The following KIAA1671 variants were observed in gnomAD, a reference collection of about 807,000 sequenced individuals.
The protein encoded by KIAA1671 is KIAA1671.
Under a neutral mutation model 131.2 loss-of-function variants are expected in KIAA1671, and 52 were observed. The observed-to-expected ratio is 0.40, with a 90% CI of 0.32 to 0.50. The LOEUF is 0.50. Among genes scored for constraint, KIAA1671 ranks in the 20% least tolerant of loss-of-function variants. The pLI, the probability that KIAA1671 is intolerant of heterozygous loss-of-function variation, is 0.73. For synonymous variants in KIAA1671, 1,003 were observed against 961.6 expected (o/e 1.04, Z -0.80); for missense variants, 2,360 against 2,364.2 (o/e 1.00, Z 0.04).
chr22:25,066,643 C>T (rs994882410), intron 6 of KIAA1671, among the ~76,000 whole-genome samples: 1 of 152,184 alleles, frequency 6.6e-6, no homozygotes, highest in African/African-American at 2.4e-5. Flanking sequence ...GACCCTTAAC[C>T]TCGACATCTG....
intron 6 of KIAA1671, among the ~76,000 whole-genome samples, chr22:25,121,191 G>A (rs763795164): frequency 2.0e-5 from 3 of 152,226 alleles, no homozygotes; most frequent in Admixed American, 1.3e-4. Context: ...GGCCGGGCGC[G>A]GTGGCTCACG....
chr22:25,068,098 C>G (rs1928579546), intron 6 of KIAA1671, among the ~76,000 whole-genome samples: 1 of 152,256 alleles, frequency 6.6e-6, no homozygotes, highest in African/African-American at 2.4e-5. Context: ...CTGACTGGTA[C>G]TGTCAGCTGG....
At chr22:25,080,231 G>A (rs1054652561) in intron 6 of KIAA1671, among the ~76,000 whole-genome samples, 2 of 152,216 alleles carry the variant, frequency 1.3e-5, no homozygotes, top group South Asian at 2.1e-4. Context: ...ACCTCTTCCC[G>A]TAGCTCCCCT....
intron 10 of KIAA1671, among the ~76,000 whole-genome samples, chr22:25,183,457 C>T (rs1168584035): frequency 2.5e-5 from 3 of 120,662 alleles, no homozygotes; most frequent in African/African-American, 9.2e-5. Context: ...TCCCTCCCTC[C>T]CTCCCTCTCT....
intron 6 of KIAA1671, among the ~76,000 whole-genome samples, chr22:25,111,422 C>G (rs889024661): frequency 2.0e-5 from 3 of 152,228 alleles, no homozygotes; most frequent in Admixed American, 2.0e-4. Context: ...CCGCCGCCAC[C>G]GCCTCCGCCT....
chr22:25,114,571 T>A (rs144005180), intron 6 of KIAA1671, among the ~76,000 whole-genome samples: 4,077 of 152,314 alleles, frequency 0.027, 71 homozygotes, highest in Admixed American at 0.038. Context: ...GACAGACTCC[T>A]TCCCTCTCTG....
intron 8 of KIAA1671, chr22:25,175,902 C>G (rs1568992736): frequency 6.6e-6 from 1 of 152,172 alleles, no homozygotes; most frequent in Non-Finnish European, 1.5e-5. Context: ...ATTTGGGTCT[C>G]CTGTGGGGAT....
chr22:24,978,322 C>G (rs1923022660), intron 1 of KIAA1671, among the ~76,000 whole-genome samples: 1 of 152,154 alleles, frequency 6.6e-6, no homozygotes, highest in Non-Finnish European at 1.5e-5. Context: ...TTTTCTCTTG[C>G]TGCTGCCATG....
chr22:25,179,603 A>G lies in KIAA1671; in HGVS notation c.5074+2081A>G, dbSNP rs551383850. On this transcript the variant is annotated intron_variant, in intron 9 of 12. Transcript: ENST00000358431. ...TCCCCTGCCCAATGCGTTGGCCTCC[A>G]GGGTGGCACTCCCAAAAGTGGAAAC... 5 of 1,129,594 alleles carry G rather than the reference A, an allele frequency of 4.4e-6. No individual in the cohort carries two copies. In the East Asian group the frequency reaches 1.3e-4, roughly 29 times the overall value. 70.0% of individuals were successfully genotyped at this position (1,129,594 alleles called of 1,614,324 possible). A position where few individuals can be genotyped will look rare whatever the true frequency, so the allele number is the denominator to read the frequency against.
rs1934706987 is a variant in KIAA1671 at position 25,192,696 on chromosome 22, A to G, written c.*295A>G. 6.6e-6 allele frequency: 1 copy of G among 152,196 alleles called. No individual in the cohort carries two copies. The highest frequency in any genetic ancestry group is 2.4e-5 in the African/African-American group (1 of 41,432). 9.4% of individuals were successfully genotyped at this position (152,196 alleles called of 1,614,324 possible). On this transcript the variant is annotated 3_prime_UTR_variant, in exon 13 of 13. Transcript: ENST00000358431. ...GGGTGGTTTTGCTTTTTATGTAAAA[A>G]TTTGCATTTCTACCTATTTTAGACA...
intron 6 of KIAA1671, among the ~76,000 whole-genome samples, chr22:25,162,345 G>T (rs1033649524): frequency 1.1e-4 from 17 of 152,220 alleles, no homozygotes; most frequent in Non-Finnish European, 1.9e-4. Flanking sequence ...CTGCACAGCT[G>T]GGGGTATAGA....
chr22:25,063,962 A>G (rs1353063252), intron 6 of KIAA1671: 13 of 152,178 alleles, frequency 8.5e-5, no homozygotes, highest in Non-Finnish European at 8.8e-5. Context: ...GTCGAATTGA[A>G]CATGGCCTTA....
chr22:25,000,184 GTTT>G (rs1184771280), intron 1 of KIAA1671, among the ~76,000 whole-genome samples: 2 of 62,158 alleles, frequency 3.2e-5, no homozygotes, highest in African/African-American at 1.9e-4. Context: ...CTCCTCGCCT[GTTT>G]TTTTTTTTTT....
chr22:25,093,731 ACACACACTCTCTCTCTCT>A (rs1930155597), intron 6 of KIAA1671, among the ~76,000 whole-genome samples: 8 of 43,574 alleles, frequency 1.8e-4, no homozygotes, highest in African/African-American at 6.0e-4. Context: ...ACACACACAC[ACACACACTCTCTCTCTCT>A]CTCTCTCTCT....
chr22:25,174,610 G>T, intron 8 of KIAA1671, 121 bp downstream of exon 8: 1 of 1,168,404 alleles, frequency 8.6e-7, no homozygotes, highest in South Asian at 1.7e-5. Flanking sequence ...GGAGGGCACT[G>T]TCTTTGAAAT....
intron 6 of KIAA1671, among the ~76,000 whole-genome samples, chr22:25,080,352 C>T (rs997871353): frequency 6.6e-6 from 1 of 152,114 alleles, no homozygotes; most frequent in Non-Finnish European, 1.5e-5. Context: ...GGGATTAAAA[C>T]ACCAATCCCT....
intron 6 of KIAA1671, among the ~76,000 whole-genome samples, chr22:25,119,918 G>A (rs934107804): frequency 1.3e-5 from 2 of 152,250 alleles, no homozygotes; most frequent in Non-Finnish European, 2.9e-5. Flanking sequence ...GATAGGGCCA[G>A]GGAGGGGGAT....
In KIAA1671 at chr22:25,074,733, CCAACTATA is replaced by C. The variant is rs1243662954; in HGVS notation, c.4530+25380_4530+25387del. Among the ~76,000 whole-genome samples, 4 of 152,084 alleles carry C rather than the reference CCAACTATA, an allele frequency of 2.6e-5. No individual in the cohort carries two copies. In the East Asian group the frequency reaches 7.7e-4, roughly 29 times the overall value. ...ATCATCTATCTGTCTGTCTGTCTGTCCAACTATACAACTATACATGCCACAGTTTCTTT... is the reference window on the plus strand; with the variant it reads ...ATCATCTATCTGTCTGTCTGTCTGTCCAACTATACATGCCACAGTTTCTTT... On this transcript the variant is annotated intron_variant, in intron 6 of 12. Transcript: ENST00000358431.
intron 1 of KIAA1671, among the ~76,000 whole-genome samples, chr22:24,955,291 C>T (rs1921635312): frequency 6.6e-6 from 1 of 152,178 alleles, no homozygotes; most frequent in Non-Finnish European, 1.5e-5. Flanking sequence ...AGGCTAGCAG[C>T]CACATCCTTA....
Sources: allele counts gnomAD v4.1 joint callset (sites outside exome capture counted in the v4.1 genomes callset), GRCh38; gene constraint gnomAD v4.1.1; transcripts MANE v1.5; gene names NCBI Gene and HGNC (gene_info 2026-07-23, HGNC 2026-07-21).